Variants in GRIK3 observed in about 807,000 individuals in gnomAD.
GRIK3 encodes the protein glutamate ionotropic receptor kainate type subunit 3, also known as glutamate receptor ionotropic, kainate 3.
GRIK3 carries 29 observed loss-of-function variants against 102.5 expected under a neutral mutation model. The observed-to-expected ratio is 0.28, with a 90% CI of 0.21 to 0.39. The LOEUF (loss-of-function observed/expected upper bound fraction) is 0.39. GRIK3 is among the 10% of genes least tolerant of loss of function. GRIK3 has a pLI of 1.00. For synonymous variants in GRIK3, 511 were observed against 504.9 expected (o/e 1.01, Z -0.16); for missense variants, 908 against 1,252.4 (o/e 0.73, Z 4.15).
chr1:36,853,698 G>A lies in GRIK3; in HGVS notation c.1129C>T (p.Arg377Ter). ...CCACTAGTTTTGTTGAAAACAATTC[G>A]TCCAGTTAATCCTTCCCATTGAGCC... is the stretch of plus-strand genomic sequence containing the variant. ...KEAQWEGLTG[R>*]IVFNKTSGLR... Residue 377 changes from arginine (R) to a stop codon, truncating the protein, a stop_gained, in exon 8 of 16, where the codon CGA becomes TGA. Transcript: ENST00000373091. LOFTEE classifies it high-confidence loss of function. 1.2e-6 allele frequency: 2 copies of A among 1,612,862 alleles called. No individual in the cohort carries two copies. The highest frequency in any genetic ancestry group is 8.5e-7 in the Non-Finnish European group (1 of 1,178,816).
chr1:36,893,128 T>C (rs1641135340), intron 1 of GRIK3, among the ~76,000 whole-genome samples: 1 of 152,076 alleles, frequency 6.6e-6, no homozygotes, highest in South Asian at 2.1e-4. Context: ...CAATATTGGG[T>C]AGAGGAGGTC....
At chr1:36,995,234 C>A (rs549971602) in intron 1 of GRIK3, among the ~76,000 whole-genome samples, 9 of 152,308 alleles carry the variant, frequency 5.9e-5, no homozygotes, top group Non-Finnish European at 8.8e-5. Flanking sequence ...CAATAATAAT[C>A]ATCATCATTA....
intron 10 of GRIK3, among the ~76,000 whole-genome samples, chr1:36,839,658 C>A (rs1640423805): frequency 6.6e-6 from 1 of 152,158 alleles, no homozygotes. Context: ...ATATCTTTTC[C>A]CTTTTACAGA....
At chr1:37,025,348 G>C (rs1361363009) in intron 1 of GRIK3, among the ~76,000 whole-genome samples, 2 of 152,168 alleles carry the variant, frequency 1.3e-5, no homozygotes, top group African/African-American at 4.8e-5. Flanking sequence ...AAAAAGGCAA[G>C]CACTCAGGCC....
At chr1:36,874,843 T>C (rs1640896207) in intron 3 of GRIK3, among the ~76,000 whole-genome samples, 1 of 152,196 alleles carries the variant, frequency 6.6e-6, no homozygotes, top group Non-Finnish European at 1.5e-5. Context: ...ACCCACATTC[T>C]CCAGCAGCAA....
Position 36,880,506 on chromosome 1 carries a change from G to A in GRIK3, c.550+128C>T, listed in dbSNP as rs540298775. 1 of 911,774 alleles carries A rather than the reference G, an allele frequency of 1.1e-6. No individual in the cohort carries two copies. The highest frequency in any genetic ancestry group is 2.4e-5 in the East Asian group (1 of 41,434). 56.5% of individuals were successfully genotyped at this position (911,774 alleles called of 1,614,324 possible). A position where few individuals can be genotyped will look rare whatever the true frequency, so the allele number is the denominator to read the frequency against. On this transcript the variant is annotated intron_variant, in intron 3 of 15. Transcript: ENST00000373091. This position sits in a 1 kb window ranked among gnomAD's most constrained non-coding sequence, Gnocchi z 5.4. ...GGGGTGAACATCAGCATAACCGAGT[G>A]GAACTGGGGTATGGAACACAGCCTC...
intron 1 of GRIK3, among the ~76,000 whole-genome samples, chr1:37,030,542 A>ACCCCCCCCCCCCCCCCCCCCCCCCC (rs1642814813): frequency 1.9e-5 from 1 of 51,514 alleles, no homozygotes; most frequent in African/African-American, 8.7e-5. Flanking sequence ...CCCACCCCCC[A>ACCCCCCCCCCCCCCCCCCCCCCCCC]CCCCCTCCCC....
At chr1:36,839,550 A>C (rs1488897478) in intron 10 of GRIK3, among the ~76,000 whole-genome samples, 1 of 152,160 alleles carries the variant, frequency 6.6e-6, no homozygotes, top group Non-Finnish European at 1.5e-5. Context: ...GTAAGGATAA[A>C]AATAAAAATA....
At chr1:36,955,879 G>T (rs887072770) in intron 1 of GRIK3, among the ~76,000 whole-genome samples, 2 of 152,264 alleles carry the variant, frequency 1.3e-5, no homozygotes, top group African/African-American at 2.4e-5. Flanking sequence ...CAGGGCCAGG[G>T]TCTGGTGTTT....
chr1:36,963,278 G>A (rs142819723), intron 1 of GRIK3, among the ~76,000 whole-genome samples: 55 of 152,240 alleles, frequency 3.6e-4, no homozygotes, highest in African/African-American at 1.3e-3. Flanking sequence ...GGCAAGCGGC[G>A]GTAGCAGGCA....
chr1:36,888,354 A>T (rs1641065457), intron 2 of GRIK3, among the ~76,000 whole-genome samples: 1 of 152,214 alleles, frequency 6.6e-6, no homozygotes, highest in Non-Finnish European at 1.5e-5. Flanking sequence ...GGGCACCAGC[A>T]GTCAGAACGG....
chr1:36,893,791 A>G (rs1641144011), intron 1 of GRIK3, among the ~76,000 whole-genome samples: 3 of 152,218 alleles, frequency 2.0e-5, no homozygotes, highest in African/African-American at 7.2e-5. Context: ...TTGTCTATGT[A>G]TTTACATATA....
intron 2 of GRIK3, among the ~76,000 whole-genome samples, chr1:36,883,107 C>T (rs1342019031): frequency 6.6e-6 from 1 of 152,208 alleles, no homozygotes; most frequent in Non-Finnish European, 1.5e-5. Flanking sequence ...GGGAATGACC[C>T]ACTGGGCACA....
intron 13 of GRIK3, among the ~76,000 whole-genome samples, chr1:36,811,774 C>T (rs1490651605): frequency 6.6e-6 from 1 of 152,226 alleles, no homozygotes; most frequent in Non-Finnish European, 1.5e-5. Context: ...GACCTAAGTC[C>T]TCCTGTATGC....
At chr1:36,822,154 G>A (rs962855223) in intron 11 of GRIK3, among the ~76,000 whole-genome samples, 2 of 152,184 alleles carry the variant, frequency 1.3e-5, no homozygotes, top group African/African-American at 2.4e-5. Context: ...CAACTCTGTC[G>A]GCCCTGATGC....
chr1:37,026,022 T>C (rs1201898465), intron 1 of GRIK3, among the ~76,000 whole-genome samples: 1 of 152,138 alleles, frequency 6.6e-6, no homozygotes, highest in African/African-American at 2.4e-5. Context: ...CTAAAGTGTC[T>C]ATCCCCTAGG....
chr1:36,882,985 T>C (rs1640999786), intron 2 of GRIK3, among the ~76,000 whole-genome samples: 1 of 152,218 alleles, frequency 6.6e-6, no homozygotes, highest in African/African-American at 2.4e-5. Context: ...AATGACACTA[T>C]GTGCACACAT....
At chr1:36,939,527 T>C (rs1641697353) in intron 1 of GRIK3, among the ~76,000 whole-genome samples, 1 of 152,202 alleles carries the variant, frequency 6.6e-6, no homozygotes, top group South Asian at 2.1e-4. Context: ...GCAAATGAGA[T>C]GGCACAACAC....
chr1:36,995,428 A>T (rs1481796759), intron 1 of GRIK3, among the ~76,000 whole-genome samples: 1 of 152,178 alleles, frequency 6.6e-6, no homozygotes, highest in African/African-American at 2.4e-5. Context: ...CATGGCCTCC[A>T]TGTGAAAAGT....
Sources: allele counts gnomAD v4.1 joint callset (sites outside exome capture counted in the v4.1 genomes callset), GRCh38; gene constraint gnomAD v4.1.1; non-coding constraint Gnocchi (gnomAD v3.1); transcripts MANE v1.5; gene names NCBI Gene and HGNC (gene_info 2026-07-23, HGNC 2026-07-21).